Variants in RBFOX1 observed in about 807,000 individuals in gnomAD.
RBFOX1 encodes RNA binding fox-1 homolog 1, also known as RNA binding protein fox-1 homolog 1.
Under a neutral mutation model 57.7 loss-of-function variants are expected in RBFOX1, and 8 were observed. The ratio of observed to expected loss-of-function variants is 0.14; its 90% CI spans 0.08 to 0.25. The LOEUF is 0.25. RBFOX1 is among the 10% of genes least tolerant of loss of function. The probability of loss-of-function intolerance (pLI) is 1.00; values close to 1 mark genes in which losing one functional copy is unlikely to be tolerated. For synonymous variants in RBFOX1, 326 were observed against 222.4 expected, an observed-to-expected ratio of 1.47 and a Z score of -4.15; for missense variants, 611 against 548.5, an observed-to-expected ratio of 1.11 and a Z score of -1.14.
chr16:7,175,874 CTTA>C (rs1231164303), intron 4 of RBFOX1, among the ~76,000 whole-genome samples: 1 of 152,160 alleles, frequency 6.6e-6, no homozygotes, highest in African/African-American at 2.4e-5. Context: ...ACTCCAGGTT[CTTA>C]TATTAGCCCT....
At chr16:5,634,821 C>T (rs986137410) in intron 3 of RBFOX1, among the ~76,000 whole-genome samples, 3 of 152,202 alleles carry the variant, frequency 2.0e-5, no homozygotes, top group African/African-American at 4.8e-5. Flanking sequence ...AAATTACCAT[C>T]AGCTCTTTGG....
chr16:5,948,069 T>C (rs942004513), intron 4 of RBFOX1, among the ~76,000 whole-genome samples: 7 of 151,302 alleles, frequency 4.6e-5, no homozygotes, highest in Non-Finnish European at 1.0e-4. Context: ...TGCACAAGGG[T>C]GGTGGGCATG....
chr16:5,518,572 G>C (rs1041016368), intron 2 of RBFOX1, among the ~76,000 whole-genome samples: 13 of 152,310 alleles, frequency 8.5e-5, no homozygotes, highest in Non-Finnish European at 1.9e-4. Context: ...ATTAAGAAAT[G>C]AGAGGAAATC....
At chr16:5,602,806 T>C (rs2047409421), downstream of RBFOX1, among the ~76,000 whole-genome samples, 1 of 152,132 alleles carries the variant, frequency 6.6e-6, no homozygotes, top group Non-Finnish European at 1.5e-5. Flanking sequence ...ATAGTAGTAA[T>C]AATGTAGTTG....
At chr16:5,547,237 A>G (rs2045246736) in intron 2 of RBFOX1, among the ~76,000 whole-genome samples, 1 of 152,176 alleles carries the variant, frequency 6.6e-6, no homozygotes, top group African/African-American at 2.4e-5. Flanking sequence ...TCATCTAGCC[A>G]TTTCATGTCT....
chr16:7,227,905 C>T (rs1467295198), intron 4 of RBFOX1, among the ~76,000 whole-genome samples: 1 of 152,194 alleles, frequency 6.6e-6, no homozygotes, highest in South Asian at 2.1e-4. Flanking sequence ...GTTATCCTTT[C>T]CCTTCTAGCA....
At chr16:5,574,860 T>C (rs2046402034) in intron 2 of RBFOX1, among the ~76,000 whole-genome samples, 1 of 152,194 alleles carries the variant, frequency 6.6e-6, no homozygotes, top group Non-Finnish European at 1.5e-5. Context: ...CAGAAGGAGA[T>C]GGTTCTATAA....
intron 2 of RBFOX1, among the ~76,000 whole-genome samples, chr16:6,595,370 G>A (rs1015368445): frequency 3.9e-5 from 6 of 152,150 alleles, no homozygotes; most frequent in Admixed American, 3.3e-4. Flanking sequence ...GGCCATCAAT[G>A]TTGTACCATG....
intron 5 of RBFOX1, among the ~76,000 whole-genome samples, chr16:7,570,671 C>T (rs1034815360): frequency 2.0e-5 from 3 of 152,188 alleles, no homozygotes; most frequent in Admixed American, 1.3e-4. Flanking sequence ...TTGTGGAAAA[C>T]AGTGTGGTGA....
intron 2 of RBFOX1, among the ~76,000 whole-genome samples, chr16:5,524,461 C>G (rs894870031): frequency 5.9e-5 from 9 of 151,874 alleles, no homozygotes; most frequent in African/African-American, 1.9e-4. Flanking sequence ...GTGCATGTCT[C>G]TTTATAATAG....
intron 3 of RBFOX1, among the ~76,000 whole-genome samples, chr16:5,836,597 T>C (rs555311968): frequency 1.3e-5 from 2 of 152,146 alleles, no homozygotes; most frequent in Non-Finnish European, 2.9e-5. Context: ...CAAATCTCCA[T>C]CTCCATTTCC....
chr16:5,936,147 A>G (rs956733402), intron 4 of RBFOX1, among the ~76,000 whole-genome samples: 2 of 152,066 alleles, frequency 1.3e-5, no homozygotes, highest in African/African-American at 4.8e-5. Context: ...GTTTTGAGAC[A>G]GAGTTTCACT....
intron 2 of RBFOX1, among the ~76,000 whole-genome samples, chr16:6,577,846 A>G (rs1333581668): frequency 1.3e-5 from 2 of 152,218 alleles, no homozygotes; most frequent in East Asian, 1.9e-4. Context: ...ATAGTGAAGC[A>G]GGAAGGACTA....
chr16:6,822,459 C>G (rs2091468598), intron 3 of RBFOX1, among the ~76,000 whole-genome samples: 1 of 152,178 alleles, frequency 6.6e-6, no homozygotes, highest in African/African-American at 2.4e-5. Context: ...GAGGAACTTT[C>G]AGAGAAAGGG....
chr16:5,879,136 G>A (rs530458955), intron 4 of RBFOX1, among the ~76,000 whole-genome samples: 40 of 152,268 alleles, frequency 2.6e-4, no homozygotes, highest in African/African-American at 9.4e-4. Context: ...TTGCACCTTT[G>A]CAGAGAAGGG....
chr16:6,623,080 C>G (rs1317418811), intron 2 of RBFOX1, among the ~76,000 whole-genome samples: 4 of 152,192 alleles, frequency 2.6e-5, no homozygotes, highest in Non-Finnish European at 5.9e-5. Context: ...TGCAAATTAC[C>G]TGCTGTGTCC....
chr16:6,615,383 A>G (rs1338835736), intron 2 of RBFOX1, among the ~76,000 whole-genome samples: 2 of 152,176 alleles, frequency 1.3e-5, no homozygotes, highest in Non-Finnish European at 2.9e-5. Context: ...CAGCCTGGCC[A>G]ACATGCCAAA....
At chr16:7,039,029 A>G (rs559923625) in intron 3 of RBFOX1, among the ~76,000 whole-genome samples, 23 of 113,726 alleles carry the variant, frequency 2.0e-4, no homozygotes, top group African/African-American at 4.5e-4. Context: ...TTACCAAACA[A>G]TATGATGTTT....
intron 3 of RBFOX1, among the ~76,000 whole-genome samples, chr16:5,791,982 A>C (rs932145151): frequency 6.6e-6 from 1 of 152,062 alleles, no homozygotes; most frequent in Non-Finnish European, 1.5e-5. Flanking sequence ...TACACCAGAG[A>C]CTTTGAGGAT....
Sources: gnomAD v4.1 joint callset for allele counts (sites outside exome capture counted in the v4.1 genomes callset) on GRCh38, gnomAD v4.1.1 for gene constraint, MANE v1.5 for transcripts, NCBI Gene and HGNC (gene_info 2026-07-23, HGNC 2026-07-21) for gene names.